The following MYT1L variants were observed in gnomAD, a reference collection of about 807,000 sequenced individuals.
MYT1L encodes the protein myelin transcription factor 1-like protein.
A neutral mutation model predicts 126.7 loss-of-function variants in MYT1L; 12 were observed. The observed-to-expected ratio is 0.09, with a 90% CI of 0.06 to 0.15. MYT1L has a LOEUF of 0.15. Among genes scored for constraint, MYT1L ranks in the 10% least tolerant of loss-of-function variants. The pLI is 1.00. For synonymous variants in MYT1L, 541 were observed against 604.2 expected (o/e 0.90, Z 1.53); for missense variants, 979 against 1,585.2 (o/e 0.62, Z 6.49).
chr2:2,061,307 G>A (rs535888802), intron 3 of MYT1L, among the ~76,000 whole-genome samples: 11 of 152,256 alleles, frequency 7.2e-5, no homozygotes, highest in Admixed American at 3.9e-4. Flanking sequence ...GCCGAGTCAC[G>A]GGGTTGCCAG....
At chr2:2,078,383 A>G (rs2075444217) in intron 3 of MYT1L, among the ~76,000 whole-genome samples, 1 of 152,224 alleles carries the variant, frequency 6.6e-6, no homozygotes, top group South Asian at 2.1e-4. Flanking sequence ...CCCAATCAAA[A>G]GGCAGAGAAT....
chr2:1,991,819 T>G (rs1052136395), intron 5 of MYT1L, among the ~76,000 whole-genome samples: 2 of 152,026 alleles, frequency 1.3e-5, no homozygotes, highest in African/African-American at 4.8e-5. Flanking sequence ...TCTTGTCAAT[T>G]CCTCTCCATC....
At chr2:2,003,230 T>C (rs2062585444) in intron 4 of MYT1L, among the ~76,000 whole-genome samples, 1 of 152,122 alleles carries the variant, frequency 6.6e-6, no homozygotes. Flanking sequence ...TGTGTGTCTC[T>C]CAACACAGCC....
intron 3 of MYT1L, among the ~76,000 whole-genome samples, chr2:2,125,291 C>A (rs2081541530): frequency 6.6e-6 from 1 of 152,096 alleles, no homozygotes. Context: ...ACATCTGGAT[C>A]CAAGTTTTAT....
intron 11 of MYT1L, among the ~76,000 whole-genome samples, chr2:1,916,970 G>A (rs2052930344): frequency 6.6e-6 from 1 of 152,204 alleles, no homozygotes; most frequent in Non-Finnish European, 1.5e-5. Flanking sequence ...TAGAACCCAG[G>A]CCTGTGCAGG....
chr2:1,883,349 C>T (rs138782536), intron 18 of MYT1L, among the ~76,000 whole-genome samples: 58 of 152,244 alleles, frequency 3.8e-4, no homozygotes, highest in African/African-American at 1.2e-3. Context: ...TATCTGGAAG[C>T]AGAAAAACAT....
chr2:2,308,307 G>C (rs1019220345), intron 1 of MYT1L, among the ~76,000 whole-genome samples: 1 of 142,330 alleles, frequency 7.0e-6, no homozygotes, highest in Non-Finnish European at 1.5e-5. Context: ...ACTTCAGTAC[G>C]TTCTACCCAT....
chr2:2,074,377 A>G (rs2074980811), intron 3 of MYT1L, among the ~76,000 whole-genome samples: 1 of 152,212 alleles, frequency 6.6e-6, no homozygotes, highest in Non-Finnish European at 1.5e-5. Context: ...TAACACATCC[A>G]CTGTGAGTCT....
Position 1,943,828 on chromosome 2 carries a change from T to G in MYT1L, c.153-494A>C, listed in dbSNP as rs1261519057. On this transcript the variant is annotated intron_variant, in intron 8 of 24. Coordinates refer to ENST00000647738, the MANE Select transcript of MYT1L (RefSeq NM_001303052.2). The surrounding 1 kb of genome is among the most constrained non-coding windows in gnomAD (Gnocchi z 4.4). ...TTTGGATATATTTGGATTTGTATAT[T>G]TTATGGATTAAATTATATCTTTAGA... is the stretch of plus-strand genomic sequence containing the variant. Among the ~76,000 whole-genome samples the G allele has an allele frequency of 3.3e-5, 5 of 152,228 alleles. No individual in the cohort carries two copies. Among genetic ancestry groups the G allele is most frequent in the African/African-American group, 1.2e-4 (5 of 41,468 alleles).
At chr2:1,890,835 T>C (rs377340218) in intron 15 of MYT1L, among the ~76,000 whole-genome samples, 2 of 152,196 alleles carry the variant, frequency 1.3e-5, no homozygotes, top group African/African-American at 4.8e-5. Context: ...CCCGGAGCTG[T>C]TACCTTGATA....
rs1057086311 is a variant in MYT1L, at chr2:2,289,674, A to G, written c.-520-5171T>C. On this transcript the variant is annotated intron_variant, in intron 1 of 24. Coordinates refer to ENST00000647738, the MANE Select transcript of MYT1L (RefSeq NM_001303052.2). ...ATGTTAACTCCCCCTCACTGGTACC[A>G]CCCATGGAATAAAAACAGGCTATGT... Among the ~76,000 whole-genome samples, 12 of 152,150 alleles carry G rather than the reference A, an allele frequency of 7.9e-5. No homozygotes were observed. In the East Asian group the frequency reaches 2.3e-3, roughly 29 times the overall value.
rs145420852 is a variant in MYT1L, at chr2:2,106,140, C to T, written c.-303-52017G>A. Among the ~76,000 whole-genome samples the T allele has an allele frequency of 5.6e-3, 846 of 152,244 alleles. 9 individuals are homozygous for T. Among genetic ancestry groups the T allele is most frequent in the African/African-American group, 0.019 (780 of 41,538 alleles). On this transcript the variant is annotated intron_variant, in intron 3 of 24. Coordinates refer to ENST00000647738, the MANE Select transcript of MYT1L (RefSeq NM_001303052.2). Reference sequence around the variant, plus strand: ...GGAATGTGGCTCACCCGGGATCGGACGACCAGAAGCCCCGAGCAAAGACAG... The same window carrying T: ...GGAATGTGGCTCACCCGGGATCGGATGACCAGAAGCCCCGAGCAAAGACAG...
At chr2:1,850,041 GC>G (rs200574545) in intron 19 of MYT1L, among the ~76,000 whole-genome samples, 1,591 of 143,434 alleles carry the variant, frequency 0.011, 26 homozygotes, top group African/African-American at 0.036. Context: ...TGAGGGGGGG[GC>G]CATTATCCAC....
rs1056681815 is a variant in MYT1L, at chr2:1,801,379, G to A, written c.3276+317C>T. 3.7e-5 allele frequency: 9 copies of A among 243,804 alleles called. No individual in the cohort carries two copies. The highest frequency in any genetic ancestry group is 5.4e-5 in the Non-Finnish European group (7 of 129,138). 15.1% of individuals were successfully genotyped at this position (243,804 alleles called of 1,614,324 possible). On this transcript the variant is annotated intron_variant, in intron 23 of 24. Transcript: ENST00000647738. This position sits in a 1 kb window ranked among gnomAD's most constrained non-coding sequence, Gnocchi z 4.2. ...TAGTGATTAAATAACAGGAGGACCT[G>A]AAGTATCTTGGAAGGAAAACCTTCA...
intron 2 of MYT1L, among the ~76,000 whole-genome samples, chr2:2,247,739 A>C (rs557866936): frequency 6.6e-6 from 1 of 152,328 alleles, no homozygotes; most frequent in Non-Finnish European, 1.5e-5. Flanking sequence ...TAGAATTTCC[A>C]TGAATTTTAC....
At chr2:1,820,845 C>T (rs1451345564) in intron 21 of MYT1L, among the ~76,000 whole-genome samples, 3 of 152,134 alleles carry the variant, frequency 2.0e-5, no homozygotes, top group African/African-American at 7.2e-5. Context: ...CCACACTTGG[C>T]CTAGCTGACT....
At chr2:1,849,708 G>T (rs192919863) in intron 19 of MYT1L, among the ~76,000 whole-genome samples, 1 of 152,258 alleles carries the variant, frequency 6.6e-6, no homozygotes, top group Non-Finnish European at 1.5e-5. Context: ...AGCTTGCAAC[G>T]TTGGCACGGA....
chr2:1,804,264 G>A lies in MYT1L; in HGVS notation c.3173-2465C>T, dbSNP rs139666675. Among the ~76,000 whole-genome samples, 412 of 152,208 alleles carry A rather than the reference G, an allele frequency of 2.7e-3. 2 individuals are homozygous for A. The highest frequency in any genetic ancestry group is 9.0e-3 in the African/African-American group (372 of 41,522). On this transcript the variant is annotated intron_variant, in intron 22 of 24. Transcript: ENST00000647738. ...GCCTCCTGAGTAGCTGGGATTATAC[G>A]TGCCTGCCACTACACCCGGCTAATT...
In MYT1L at chr2:2,214,872, A is replaced by G. The variant is rs560039585; in HGVS notation, c.-420-41884T>C. The stretch of plus-strand genomic sequence containing the variant: ...AAAATTAAGCAATAGTTTAAAAATA[A>G]TAATGTAGTGTGTCATTTGTAACAT... On this transcript the variant is annotated intron_variant, in intron 2 of 24. Transcript: ENST00000647738. 2.0e-5 allele frequency among the ~76,000 whole-genome samples: 3 copies of G among 152,340 alleles called. No individual in the cohort carries two copies. In the East Asian group the frequency reaches 5.8e-4, roughly 29 times the overall value.
Sources: allele counts gnomAD v4.1 joint callset (sites outside exome capture counted in the v4.1 genomes callset), GRCh38; gene constraint gnomAD v4.1.1; non-coding constraint Gnocchi (gnomAD v3.1); transcripts MANE v1.5; gene names NCBI Gene and HGNC (gene_info 2026-07-23, HGNC 2026-07-21).